The following NEDD4 variants were observed in gnomAD, a reference collection of about 807,000 sequenced individuals.
NEDD4 encodes the protein E3 ubiquitin-protein ligase NEDD4.
A neutral mutation model predicts 144.9 loss-of-function variants in NEDD4; 99 were observed. The observed-to-expected ratio is 0.68, with a 90% CI of 0.58 to 0.81. The LOEUF (loss-of-function observed/expected upper bound fraction) is 0.81, where lower values mean the gene tolerates loss of function less well. Ranked by LOEUF, NEDD4 falls within the 30% of genes least tolerant of loss-of-function variation. The probability of loss-of-function intolerance (pLI) is 0.00; values close to 1 mark genes in which losing one functional copy is unlikely to be tolerated. For missense variants in NEDD4, 985 were observed against 1,065.9 expected (o/e 0.92, Z 1.06); for synonymous variants, 318 against 350.6 (o/e 0.91, Z 1.04).
At chr15:55,859,534 T>C (rs2034321408) in intron 11 of NEDD4, among the ~76,000 whole-genome samples, 1 of 152,194 alleles carries the variant, frequency 6.6e-6, no homozygotes, top group Non-Finnish European at 1.5e-5. Context: ...CCATCTCTAC[T>C]AAAAATACAA....
chr15:55,921,866 C>A (rs1413143441), intron 5 of NEDD4, among the ~76,000 whole-genome samples: 3 of 152,282 alleles, frequency 2.0e-5, no homozygotes, highest in African/African-American at 7.2e-5. Context: ...AAGAAAGAGT[C>A]ACGCAAATAC....
intron 1 of NEDD4, among the ~76,000 whole-genome samples, chr15:55,971,082 AAG>A (rs1308562059): frequency 6.6e-6 from 1 of 152,214 alleles, no homozygotes; most frequent in African/African-American, 2.4e-5. Flanking sequence ...AAATTTAACA[AAG>A]AGATTAAAAA....
intron 19 of NEDD4, 150 bp downstream of exon 19, chr15:55,841,784 G>A: frequency 1.6e-6 from 1 of 642,078 alleles, no homozygotes; most frequent in Non-Finnish European, 2.7e-6. Flanking sequence ...TGTTAGCTAG[G>A]ATGGTCTCGA....
In NEDD4 at chr15:55,993,271, C is replaced by A. The variant is rs1375636502; in HGVS notation, c.45+240G>T. 4.6e-5 allele frequency among the ~76,000 whole-genome samples: 7 copies of A among 152,182 alleles called. No individual in the cohort carries two copies. In the East Asian group the frequency reaches 9.7e-4, roughly 21 times the overall value. On this transcript the variant is annotated intron_variant, in intron 1 of 28. Coordinates refer to ENST00000435532, the MANE Select transcript of NEDD4 (RefSeq NM_006154.4). ...GGAAACTGACAAGTAAGGCGGCGGC[C>A]GCTCCGGGAAGGGGCGGGTGTGGAC...
At chr15:55,884,324 T>C (rs547385977) in intron 5 of NEDD4, among the ~76,000 whole-genome samples, 9 of 152,136 alleles carry the variant, frequency 5.9e-5, no homozygotes, top group East Asian at 3.9e-4. Context: ...CCAAGAAGGA[T>C]GGGTAAAAAT....
intron 5 of NEDD4, among the ~76,000 whole-genome samples, chr15:55,919,807 G>A (rs141043242): frequency 1.3e-3 from 204 of 152,282 alleles, no homozygotes; most frequent in Admixed American, 0.011. Context: ...TATCTACATG[G>A]TATGGATAGG....
intron 8 of NEDD4, among the ~76,000 whole-genome samples, chr15:55,863,359 G>T (rs1172708594): frequency 6.6e-6 from 1 of 151,944 alleles, no homozygotes; most frequent in Non-Finnish European, 1.5e-5. Context: ...TTTCCACCAG[G>T]TTCTTCCTGG....
chr15:55,932,653 G>A (rs1322394516), intron 4 of NEDD4, among the ~76,000 whole-genome samples: 3 of 152,146 alleles, frequency 2.0e-5, no homozygotes, highest in African/African-American at 7.2e-5. Flanking sequence ...GGCAACAAAA[G>A]CCAAAATTGA....
intron 5 of NEDD4, among the ~76,000 whole-genome samples, chr15:55,883,691 AC>A (rs1210979232): frequency 2.3e-4 from 15 of 64,392 alleles, no homozygotes; most frequent in Non-Finnish European, 4.6e-4. Flanking sequence ...ACACACACAC[AC>A]ACAAACACAC....
intron 2 of NEDD4, among the ~76,000 whole-genome samples, chr15:55,955,300 G>A (rs1391934950): frequency 3.3e-5 from 5 of 152,130 alleles, no homozygotes; most frequent in Non-Finnish European, 2.9e-5. Context: ...TGTGATTATA[G>A]GTTATAGGCA....
At chr15:55,871,233 A>C (rs1206431213) in intron 7 of NEDD4, among the ~76,000 whole-genome samples, 1 of 152,238 alleles carries the variant, frequency 6.6e-6, no homozygotes, top group Non-Finnish European at 1.5e-5. Flanking sequence ...AAATGTGCTC[A>C]GACAATGTTT....
intron 9 of NEDD4, among the ~76,000 whole-genome samples, chr15:55,862,503 T>C (rs1161859759): frequency 6.6e-6 from 1 of 152,162 alleles, no homozygotes; most frequent in Admixed American, 6.6e-5. Context: ...ACCCTTATTA[T>C]TGAGTCCTTT....
intron 12 of NEDD4, among the ~76,000 whole-genome samples, chr15:55,855,860 C>T (rs545140116): frequency 5.3e-4 from 80 of 152,154 alleles, no homozygotes; most frequent in Non-Finnish European, 9.3e-4. Flanking sequence ...CCGTATGCAG[C>T]GGATCACCTC....
Position 55,860,482 on chromosome 15 carries a change from A to G in NEDD4, c.885T>C (p.Thr295=), listed in dbSNP as rs1177346580. 5 of 1,614,142 alleles carry G rather than the reference A, an allele frequency of 3.1e-6. No homozygotes were observed. The South Asian group carries it at 4.4e-5, about 14-fold the overall frequency. ...PPPSSNLDVP[T]HLAEELNARL... ...TGGCATTCAATTCTTCTGCAAGATGAGTTGGAACATCCAAGTTACTTGACG... is the reference window on the plus strand; with the variant it reads ...TGGCATTCAATTCTTCTGCAAGATGGGTTGGAACATCCAAGTTACTTGACG... Residue 295 remains threonine (T), a synonymous_variant, in exon 11 of 29, where the codon ACT becomes ACC. Coordinates refer to ENST00000435532, the MANE Select transcript of NEDD4 (RefSeq NM_006154.4).
At chr15:55,838,298 A>G in intron 22 of NEDD4, 118 bp from the exon 23 acceptor site, 1 of 765,338 alleles carries the variant, frequency 1.3e-6, no homozygotes, top group Non-Finnish European at 2.1e-6. Flanking sequence ...AAAAGTTAAA[A>G]ACTAAGAAAA....
At chr15:55,922,028 G>A (rs2036577784) in intron 5 of NEDD4, among the ~76,000 whole-genome samples, 1 of 152,192 alleles carries the variant, frequency 6.6e-6, no homozygotes, top group Non-Finnish European at 1.5e-5. Context: ...ATCGGTATCA[G>A]TGGCAACAGG....
intron 5 of NEDD4, chr15:55,915,751 G>C (rs1390510326): frequency 6.2e-7 from 1 of 1,613,820 alleles, no homozygotes; most frequent in Admixed American, 1.7e-5. Flanking sequence ...GTCTGTCTGG[G>C]AGTATTATTC....
At chr15:55,892,531 A>C (rs1223877581) in intron 5 of NEDD4, among the ~76,000 whole-genome samples, 1 of 151,956 alleles carries the variant, frequency 6.6e-6, no homozygotes, top group African/African-American at 2.4e-5. Flanking sequence ...TTGTTTTTTC[A>C]GTTTTCAGAT....
intron 4 of NEDD4, among the ~76,000 whole-genome samples, chr15:55,949,570 G>C (rs1198046545): frequency 6.6e-6 from 1 of 152,102 alleles, no homozygotes; most frequent in African/African-American, 2.4e-5. Context: ...ATCAATAATA[G>C]ACTGGATTAA....
Sources: gnomAD v4.1 joint callset for allele counts (sites outside exome capture counted in the v4.1 genomes callset) on GRCh38, gnomAD v4.1.1 for gene constraint, MANE v1.5 for transcripts, NCBI Gene and HGNC (gene_info 2026-07-23, HGNC 2026-07-21) for gene names.